DNM1L: variants seen among roughly 807,000 people sequenced by gnomAD.
DNM1L encodes dynamin 1L.
DNM1L carries 33 observed loss-of-function variants against 92.8 expected under a neutral mutation model. The ratio of observed to expected loss-of-function variants is 0.36; its 90% CI spans 0.27 to 0.48. The LOEUF (loss-of-function observed/expected upper bound fraction) is 0.48. DNM1L is among the 20% of genes least tolerant of loss of function. DNM1L has a pLI of 0.99. For missense variants in DNM1L, 485 were observed against 888.8 expected (o/e 0.55, Z 5.78); for synonymous variants, 284 against 305.0 (o/e 0.93, Z 0.72).
At chr12:32,718,258 C>T (rs1483053471) in intron 6 of DNM1L, among the ~76,000 whole-genome samples, 1 of 150,906 alleles carries the variant, frequency 6.6e-6, no homozygotes, top group Non-Finnish European at 1.5e-5. Flanking sequence ...TCTCCTGCTT[C>T]AGCCTCCCGA....
intron 2 of DNM1L, 193 bp from the exon 3 acceptor site, chr12:32,707,174 T>A (rs1952959850): frequency 2.0e-6 from 1 of 502,252 alleles, no homozygotes; most frequent in Non-Finnish European, 3.5e-6. Flanking sequence ...ATACAATTTT[T>A]AAAATATAAT....
At chr12:32,691,466 A>G (rs1420378351) in intron 1 of DNM1L, among the ~76,000 whole-genome samples, 1 of 152,028 alleles carries the variant, frequency 6.6e-6, no homozygotes, top group Non-Finnish European at 1.5e-5. Flanking sequence ...GATGGTCTCA[A>G]TCTCTTGACC....
At chr12:32,742,781 G>T (rs1233310944) in intron 19 of DNM1L, 33 bp downstream of exon 19, 7 of 1,610,770 alleles carry the variant, frequency 4.3e-6, no homozygotes, top group Non-Finnish European at 5.1e-6. Flanking sequence ...TTATACTTGG[G>T]TAGTAGATAG....
intron 8 of DNM1L, among the ~76,000 whole-genome samples, 188 bp downstream of exon 8, chr12:32,720,983 G>A (rs1222121631): frequency 1.3e-5 from 2 of 152,128 alleles, no homozygotes; most frequent in African/African-American, 4.8e-5. Flanking sequence ...ACATCATCAC[G>A]TAGTCTAGAA....
intron 2 of DNM1L, 67 bp downstream of exon 2, chr12:32,701,629 G>C (rs1952705174): frequency 1.4e-6 from 2 of 1,393,026 alleles, no homozygotes; most frequent in Admixed American, 1.7e-5. Flanking sequence ...AAAAAGATAT[G>C]AATTGATTAG....
chr12:32,725,986 C>T (rs1301901097), intron 9 of DNM1L, among the ~76,000 whole-genome samples: 1 of 149,914 alleles, frequency 6.7e-6, no homozygotes, highest in African/African-American at 2.5e-5. Flanking sequence ...ATGAAAGGCA[C>T]AGCTAATCCA....
At chr12:32,702,109 CT>C (rs1481995297) in intron 2 of DNM1L, among the ~76,000 whole-genome samples, 1 of 151,478 alleles carries the variant, frequency 6.6e-6, no homozygotes, top group African/African-American at 2.4e-5. Flanking sequence ...TGGCACTTGC[CT>C]GTAGTCCCAG....
chr12:32,706,723 A>C (rs1216016141), intron 2 of DNM1L: 1 of 454,514 alleles, frequency 2.2e-6, no homozygotes, highest in Non-Finnish European at 4.4e-6. Flanking sequence ...CCTGGGGGAA[A>C]ATCACCTTGA....
intron 6 of DNM1L, among the ~76,000 whole-genome samples, chr12:32,717,622 T>C (rs1297844922): frequency 9.7e-6 from 1 of 102,616 alleles, no homozygotes; most frequent in Non-Finnish European, 1.8e-5. Context: ...TAGGTAGATA[T>C]ATATATAAAA....
chr12:32,737,850 A>G lies in DNM1L; in HGVS notation c.1597-15A>G, dbSNP rs1565541392. 5 of 1,612,716 alleles carry G rather than the reference A, an allele frequency of 3.1e-6. No homozygotes were observed. Among genetic ancestry groups the G allele is most frequent in the Non-Finnish European group, 4.2e-6 (5 of 1,179,160 alleles). On this transcript the variant is annotated splice_polypyrimidine_tract_variant and intron_variant, in intron 14 of 19. Coordinates refer to ENST00000549701, the MANE Select transcript of DNM1L (RefSeq NM_012062.5). ...ATCCTTGATTTTTTTTCCCCCCTGGATTTTTTGCCTTTAGTCTTCTAAAGT... is the reference window on the plus strand; with the variant it reads ...ATCCTTGATTTTTTTTCCCCCCTGGGTTTTTTGCCTTTAGTCTTCTAAAGT...
At chr12:32,704,464 C>T (rs555015880) in intron 2 of DNM1L, among the ~76,000 whole-genome samples, 3 of 151,232 alleles carry the variant, frequency 2.0e-5, no homozygotes, top group East Asian at 2.0e-4. Context: ...GCAGGAGAAT[C>T]GCTTGAACCC....
intron 6 of DNM1L, among the ~76,000 whole-genome samples, chr12:32,714,041 T>C (rs1244189957): frequency 2.6e-5 from 4 of 152,142 alleles, no homozygotes; most frequent in Admixed American, 6.6e-5. Flanking sequence ...TCATAGTATA[T>C]ATAAAATGCT....
intron 4 of DNM1L, among the ~76,000 whole-genome samples, chr12:32,709,810 G>A (rs1476882920): frequency 1.3e-5 from 2 of 152,192 alleles, no homozygotes; most frequent in South Asian, 2.1e-4. Context: ...TACAACCTAA[G>A]TAGGTATGCC....
At chr12:32,720,563 C>T (rs1953756411) in intron 7 of DNM1L, 101 bp from the exon 8 acceptor site, 4 of 1,500,082 alleles carry the variant, frequency 2.7e-6, no homozygotes, top group Admixed American at 1.7e-5. Context: ...ATAAAACAGT[C>T]CCTGTCAGGT....
At chr12:32,685,357 A>AC (rs1951966184) in intron 1 of DNM1L, among the ~76,000 whole-genome samples, 1 of 122,208 alleles carries the variant, frequency 8.2e-6, no homozygotes, top group African/African-American at 3.2e-5. Context: ...TAGTGGCTGC[A>AC]CCTTTTTTTT....
At chr12:32,714,792 G>C (rs1953289057) in intron 6 of DNM1L, among the ~76,000 whole-genome samples, 1 of 151,122 alleles carries the variant, frequency 6.6e-6, no homozygotes, top group South Asian at 2.1e-4. Context: ...TTCGAGACCA[G>C]CCTGGGCAGC....
chr12:32,730,047 T>C (rs1158616420), intron 9 of DNM1L, among the ~76,000 whole-genome samples: 1 of 152,124 alleles, frequency 6.6e-6, no homozygotes, highest in Non-Finnish European at 1.5e-5. Flanking sequence ...AAACATAAGG[T>C]GCTCAGTAAC....
intron 3 of DNM1L, 121 bp from the exon 4 acceptor site, chr12:32,708,032 A>T: frequency 1.6e-6 from 1 of 619,886 alleles, no homozygotes; most frequent in Non-Finnish European, 2.9e-6. Context: ...ATACATTAGA[A>T]TTTTATTTAT....
intron 6 of DNM1L, among the ~76,000 whole-genome samples, chr12:32,717,953 T>TATATTTTATATATATATAAA (rs1953589784): frequency 1.9e-5 from 2 of 107,652 alleles, no homozygotes; most frequent in African/African-American, 8.2e-5. Flanking sequence ...AAATATAGTA[T>TATATTTTATATATATATAAA]ATATAGTATA....
Sources: allele counts gnomAD v4.1 joint callset (sites outside exome capture counted in the v4.1 genomes callset), GRCh38; gene constraint gnomAD v4.1.1; transcripts MANE v1.5; gene names NCBI Gene and HGNC (gene_info 2026-07-23, HGNC 2026-07-21).